Variants in NRG3 observed in about 807,000 individuals in gnomAD.
NRG3 encodes neuregulin 3.
A neutral mutation model predicts 66.9 loss-of-function variants in NRG3; 31 were observed. The observed-to-expected ratio is 0.46, with a 90% CI of 0.35 to 0.63. NRG3 has a LOEUF of 0.63. Among genes scored for constraint, NRG3 ranks in the 20% least tolerant of loss-of-function variants. NRG3 has a pLI of 0.00. For missense variants in NRG3, 910 were observed against 878.9 expected (o/e 1.04, Z -0.45); for synonymous variants, 393 against 359.4 (o/e 1.09, Z -1.06).
chr10:82,868,362 A>G (rs570430582), intron 4 of NRG3, among the ~76,000 whole-genome samples: 36 of 152,320 alleles, frequency 2.4e-4, no homozygotes, highest in Non-Finnish European at 4.4e-4. Flanking sequence ...CCACAAGACT[A>G]AGGTAATAGT....
chr10:82,841,704 C>G (rs1236277049), intron 3 of NRG3, among the ~76,000 whole-genome samples: 1 of 152,120 alleles, frequency 6.6e-6, no homozygotes, highest in African/African-American at 2.4e-5. Flanking sequence ...TAAAGTCAAC[C>G]AATTGTAGAT....
At chr10:82,020,665 A>G (rs964984819) in intron 1 of NRG3, among the ~76,000 whole-genome samples, 4 of 152,128 alleles carry the variant, frequency 2.6e-5, no homozygotes, top group Non-Finnish European at 2.9e-5. Flanking sequence ...GACTTGCTCA[A>G]GTTCCCAAGA....
At chr10:82,961,253 A>T (rs1310955451) in intron 6 of NRG3, among the ~76,000 whole-genome samples, 1 of 152,234 alleles carries the variant, frequency 6.6e-6, no homozygotes, top group Non-Finnish European at 1.5e-5. Flanking sequence ...AAAATGATTA[A>T]AATCAATAGA....
chr10:82,901,653 A>C (rs1384258638), intron 4 of NRG3, among the ~76,000 whole-genome samples: 2 of 152,212 alleles, frequency 1.3e-5, no homozygotes, highest in South Asian at 4.1e-4. Context: ...TGGTACATAC[A>C]GAACAGGTGA....
At position 82,432,495 on chromosome 10, in the gene NRG3, TAAAAAAA is replaced by T. The variant is rs532419949; in HGVS notation, c.953+73640_953+73646del. On this transcript the variant is annotated intron_variant, in intron 2 of 8. Coordinates refer to ENST00000372141, the MANE Select transcript of NRG3 (RefSeq NM_001010848.4). ...CCACATTTTTTTTCTGTATTTCTTC[TAAAAAAA>T]AAAAAAAAAAAACAGGATACATGTG... 5.9e-5 allele frequency among the ~76,000 whole-genome samples: 7 copies of T among 118,010 alleles called. No individual in the cohort carries two copies. In the Admixed American group the frequency reaches 6.0e-4, roughly 10 times the overall value. 77.4% of individuals were successfully genotyped at this position (118,010 alleles called of 152,430 possible). A position where few individuals can be genotyped will look rare whatever the true frequency, so the allele number is the denominator to read the frequency against.
At chr10:82,024,294 A>C (rs1313308345) in intron 1 of NRG3, among the ~76,000 whole-genome samples, 2 of 151,694 alleles carry the variant, frequency 1.3e-5, no homozygotes, top group Non-Finnish European at 2.9e-5. Flanking sequence ...CAAAATAACA[A>C]GTTGTATTTG....
chr10:81,887,390 A>C (rs1335307968), intron 1 of NRG3, among the ~76,000 whole-genome samples: 1 of 152,142 alleles, frequency 6.6e-6, no homozygotes, highest in African/African-American at 2.4e-5. Flanking sequence ...CTATACAAGG[A>C]TATAGCCAAC....
intron 1 of NRG3, among the ~76,000 whole-genome samples, chr10:82,338,110 T>C (rs1179833358): frequency 6.6e-6 from 1 of 152,090 alleles, no homozygotes; most frequent in African/African-American, 2.4e-5. Context: ...CTCTCCTCTC[T>C]GGAAAAAAGT....
intron 2 of NRG3, among the ~76,000 whole-genome samples, chr10:82,699,365 A>G (rs2055664389): frequency 6.6e-6 from 1 of 152,048 alleles, no homozygotes; most frequent in African/African-American, 2.4e-5. Flanking sequence ...GGAAGTATCA[A>G]TAAATTAATT....
chr10:82,109,224 C>T (rs1024716973), intron 1 of NRG3, among the ~76,000 whole-genome samples: 44 of 152,086 alleles, frequency 2.9e-4, no homozygotes, highest in African/African-American at 9.9e-4. Flanking sequence ...TGGGAGATTC[C>T]AGGCACAGGG....
At chr10:82,148,047 C>G (rs2070392114) in intron 1 of NRG3, among the ~76,000 whole-genome samples, 1 of 152,132 alleles carries the variant, frequency 6.6e-6, no homozygotes, top group Admixed American at 6.6e-5. Flanking sequence ...CATTTTTATT[C>G]ATTTCCTTAT....
rs55741526 is a variant in NRG3, at chr10:82,462,813, C to T, written c.953+103945C>T. ...TGAGTTTATTGAGTGGGAGATATGA[C>T]TATACAAGTCTAAAATTGATCTTGC... On this transcript the variant is annotated intron_variant, in intron 2 of 8. Coordinates refer to ENST00000372141, the MANE Select transcript of NRG3 (RefSeq NM_001010848.4). Among the ~76,000 whole-genome samples the T allele has an allele frequency of 1.5e-3, 229 of 152,252 alleles. 1 individual carries two copies. The highest frequency in any genetic ancestry group is 5.2e-3 in the African/African-American group (218 of 41,554).
At chr10:82,537,718 A>C (rs187578456) in intron 2 of NRG3, among the ~76,000 whole-genome samples, 1 of 152,286 alleles carries the variant, frequency 6.6e-6, no homozygotes, top group Admixed American at 6.5e-5. Context: ...ACAAAACTTT[A>C]TACCTTCAAT....
At chr10:82,515,803 G>T (rs1845593454) in intron 2 of NRG3, among the ~76,000 whole-genome samples, 2 of 152,142 alleles carry the variant, frequency 1.3e-5, no homozygotes, top group Non-Finnish European at 2.9e-5. Flanking sequence ...TCTTCTGGAA[G>T]TTTATAGTAT....
At chr10:82,430,378 C>T (rs552129102) in intron 2 of NRG3, among the ~76,000 whole-genome samples, 4 of 152,104 alleles carry the variant, frequency 2.6e-5, no homozygotes, top group Non-Finnish European at 5.9e-5. Context: ...CTGCCTCAGC[C>T]TCCCACATAG....
At chr10:82,232,601 T>A in intron 1 of NRG3, 1 of 598,820 alleles carries the variant, frequency 1.7e-6, no homozygotes, top group Non-Finnish European at 3.1e-6. Context: ...CTTTCATTGT[T>A]TTTCTCTTTT....
At chr10:82,331,165 ACT>A (rs2082119622) in intron 1 of NRG3, among the ~76,000 whole-genome samples, 1 of 151,944 alleles carries the variant, frequency 6.6e-6, no homozygotes, top group South Asian at 2.1e-4. Context: ...GGACCTGGTC[ACT>A]CTCTACCCAT....
chr10:82,386,957 G>A (rs967727765), intron 2 of NRG3, among the ~76,000 whole-genome samples: 6 of 152,010 alleles, frequency 3.9e-5, no homozygotes, highest in South Asian at 2.1e-4. Flanking sequence ...ACAGTAACAC[G>A]CCCAGCTAAT....
chr10:82,669,733 C>A (rs908427685), intron 2 of NRG3, among the ~76,000 whole-genome samples: 1 of 152,008 alleles, frequency 6.6e-6, no homozygotes, highest in Non-Finnish European at 1.5e-5. Flanking sequence ...TCGAGAGCAT[C>A]CTGGCTAACA....
Sources: gnomAD v4.1 joint callset for allele counts (sites outside exome capture counted in the v4.1 genomes callset) on GRCh38, gnomAD v4.1.1 for gene constraint, MANE v1.5 for transcripts, NCBI Gene and HGNC (gene_info 2026-07-23, HGNC 2026-07-21) for gene names.